Variants in ARHGAP36 observed in about 807,000 individuals in gnomAD.
The protein encoded by ARHGAP36 is Rho GTPase activating protein 36.
A neutral mutation model predicts 32.9 loss-of-function variants in ARHGAP36; 7 were observed. The ratio of observed to expected loss-of-function variants is 0.21; its 90% CI spans 0.12 to 0.40. The LOEUF (loss-of-function observed/expected upper bound fraction) is 0.40, where lower values mean the gene tolerates loss of function less well. Ranked by LOEUF, ARHGAP36 falls within the 10% of genes least tolerant of loss-of-function variation. ARHGAP36 has a pLI of 1.00. For synonymous variants in ARHGAP36, 165 were observed against 168.3 expected, an observed-to-expected ratio of 0.98 and a Z score of 0.15; for missense variants, 383 against 442.2, an observed-to-expected ratio of 0.87 and a Z score of 1.20.
chrX:131,067,744 G>C (rs774010820), intron 1 of ARHGAP36, among the ~76,000 whole-genome samples: 1 of 111,328 alleles, frequency 9.0e-6, no homozygotes, highest in South Asian at 3.8e-4. Context: ...ACACACATGA[G>C]AACATCACAC....
intron 1 of ARHGAP36, among the ~76,000 whole-genome samples, chrX:131,075,285 T>C (rs2079755450): frequency 8.9e-6 from 1 of 111,876 alleles, no homozygotes. Flanking sequence ...GTCATGGATC[T>C]GAGGCTCAGA....
At chrX:131,078,650 TCCCCC>T in intron 1 of ARHGAP36, 1 of 720,441 alleles carries the variant, frequency 1.4e-6, no homozygotes, top group Non-Finnish European at 1.9e-6. Flanking sequence ...GCCTACTCAT[TCCCCC>T]TCCCCACCCC....
intron 1 of ARHGAP36, among the ~76,000 whole-genome samples, chrX:131,071,699 T>C (rs954119476): frequency 1.8e-5 from 2 of 112,124 alleles, no homozygotes; most frequent in African/African-American, 6.5e-5. Flanking sequence ...AGCTGTACTC[T>C]ATCCTTTCCC....
rs2079833513 is a variant in ARHGAP36 at position 131,085,984 on chromosome X, G to T, written c.1176G>T (p.Lys392Asn). The T allele has an allele frequency of 2.0e-5, 24 of 1,211,590 alleles. No homozygotes were observed. The highest frequency in any genetic ancestry group is 2.5e-5 in the Non-Finnish European group (22 of 895,367). ...VFGSALLKKG[K>N]FGKRESRKTK... ...GATCTGCTCTCCTGAAAAAAGGAAA[G>T]TTTGGCAAGAGAGAGTCCAGGAAAA... The change falls in exon 9 of 12, where the codon AAG (lysine) becomes AAT (asparagine). Residue 392 changes from lysine (K) to asparagine (N), a missense_variant. Physicochemically the swap from Lys to Asn is moderately conservative, Grantham distance 94. Transcript: ENST00000276211.
intron 1 of ARHGAP36, among the ~76,000 whole-genome samples, chrX:131,080,464 G>C (rs1295091979): frequency 9.0e-6 from 1 of 111,440 alleles, no homozygotes; most frequent in Non-Finnish European, 1.9e-5. Flanking sequence ...CTGGCACAAA[G>C]TGGGCAATTA....
intron 3 of ARHGAP36, 139 bp downstream of exon 3, chrX:131,083,369 T>G: frequency 1.6e-6 from 1 of 630,805 alleles, no homozygotes; most frequent in South Asian, 3.1e-5. Context: ...CCACAGTGGG[T>G]GATATCAGGA....
rs1452408301 is a variant in ARHGAP36, at chrX:131,081,603, G to A, written c.-63G>A. The A allele has an allele frequency of 1.8e-6, 2 of 1,133,773 alleles. No homozygotes were observed. Among genetic ancestry groups the A allele is most frequent in the Non-Finnish European group, 1.2e-6 (1 of 856,985 alleles). The allele number at this position is 1,133,773 out of a possible 1,213,427, so 93.4% of individuals were successfully genotyped here. A position where few individuals can be genotyped will look rare whatever the true frequency, so the allele number is the denominator to read the frequency against. On this transcript the variant is annotated 5_prime_UTR_variant, in exon 2 of 12. Coordinates refer to ENST00000276211, the MANE Select transcript of ARHGAP36 (RefSeq NM_144967.4). ...CTCCCCCTCTACCCCCACCCCCATA[G>A]TTCTCTCCACCAGGTCCAGTGACAA... is the stretch of plus-strand genomic sequence containing the variant.
At chrX:131,087,975 A>G (rs1040599247) in intron 11 of ARHGAP36, among the ~76,000 whole-genome samples, 4 of 112,276 alleles carry the variant, frequency 3.6e-5, no homozygotes, top group Admixed American at 9.4e-5. Context: ...TCCATTCTCA[A>G]TACAATTCCA....
At chrX:131,078,770 T>C in intron 1 of ARHGAP36, 1 of 976,068 alleles carries the variant, frequency 1.0e-6, no homozygotes, top group Non-Finnish European at 1.3e-6. Flanking sequence ...GCAATGCCAA[T>C]TTTTCTGTTA....
At chrX:131,085,178 C>A in intron 7 of ARHGAP36, 114 bp downstream of exon 7, 1 of 763,170 alleles carries the variant, frequency 1.3e-6, no homozygotes, top group Non-Finnish European at 1.8e-6. Flanking sequence ...GCAAAATGAC[C>A]ATAAGAAGAT....
chrX:131,073,246 G>T (rs1259886266), intron 1 of ARHGAP36, among the ~76,000 whole-genome samples: 1 of 113,000 alleles, frequency 8.8e-6, no homozygotes, highest in African/African-American at 3.2e-5. Context: ...TCCGCGCGCC[G>T]CAGGGCTTTG....
At chrX:131,086,273 G>A in intron 9 of ARHGAP36, 56 bp from the exon 10 acceptor site, 1 of 1,162,244 alleles carries the variant, frequency 8.6e-7, no homozygotes, top group South Asian at 1.8e-5. Flanking sequence ...AAAGAGATGA[G>A]TATAAATGAA....
intron 1 of ARHGAP36, among the ~76,000 whole-genome samples, chrX:131,079,562 G>GTTTTT (rs11417328): frequency 1.2e-4 from 11 of 93,134 alleles, no homozygotes; most frequent in African/African-American, 4.0e-4. Context: ...TTTGTTTTTT[G>GTTTTT]TTTTTTTTTT....
intron 1 of ARHGAP36, among the ~76,000 whole-genome samples, chrX:131,062,166 A>T (rs2148634995): frequency 8.9e-6 from 1 of 112,673 alleles, no homozygotes; most frequent in African/African-American, 3.2e-5. Context: ...AAGAATATGT[A>T]ACAACATAGA....
At chrX:131,076,738 G>T (rs2079764607) in intron 1 of ARHGAP36, among the ~76,000 whole-genome samples, 1 of 112,214 alleles carries the variant, frequency 8.9e-6, no homozygotes, top group South Asian at 3.7e-4. Context: ...TTGTCAAATT[G>T]CTGTGTGGTC....
chrX:131,064,548 G>A (rs2079687159), intron 1 of ARHGAP36, among the ~76,000 whole-genome samples: 1 of 112,005 alleles, frequency 8.9e-6, no homozygotes, highest in Admixed American at 9.4e-5. Context: ...CACTTGGCTG[G>A]TGGTTTCTAT....
At chrX:131,058,719 A>G (rs940857988) in intron 1 of ARHGAP36, among the ~76,000 whole-genome samples, 83 of 113,376 alleles carry the variant, frequency 7.3e-4, no homozygotes, top group Admixed American at 3.7e-3. Flanking sequence ...GCCGGCAGGG[A>G]CAGCCAGAGC....
At chrX:131,083,591 C>G (rs2079817955) in intron 3 of ARHGAP36, 143 bp from the exon 4 acceptor site, 6 of 613,433 alleles carry the variant, frequency 9.8e-6, no homozygotes, top group Admixed American at 5.2e-5. Context: ...TTGGCTAGCT[C>G]CCCAGGGAGG....
At chrX:131,065,041 TTGTGTGTGTG>T (rs35681413) in intron 1 of ARHGAP36, among the ~76,000 whole-genome samples, 4 of 103,361 alleles carry the variant, frequency 3.9e-5, no homozygotes, top group Admixed American at 2.1e-4. Flanking sequence ...GTGTGTGTGT[TTGTGTGTGTG>T]TGTGTGTGTG....
Sources: gnomAD v4.1 joint callset for allele counts (sites outside exome capture counted in the v4.1 genomes callset) on GRCh38, gnomAD v4.1.1 for gene constraint, MANE v1.5 for transcripts, NCBI Gene and HGNC (gene_info 2026-07-23, HGNC 2026-07-21) for gene names.